HIP1: variants seen among roughly 807,000 people sequenced by gnomAD.
HIP1 encodes the protein huntingtin interacting protein 1.
Under a neutral mutation model 147.6 loss-of-function variants are expected in HIP1, and 65 were observed. The ratio of observed to expected loss-of-function variants is 0.44; its 90% confidence interval spans 0.36 to 0.54. The LOEUF (loss-of-function observed/expected upper bound fraction) is 0.54, where lower values mean the gene tolerates loss of function less well. Among genes scored for constraint, HIP1 ranks in the 20% least tolerant of loss-of-function variants. HIP1 has a pLI of 0.00. For synonymous variants in HIP1, 479 were observed against 504.0 expected, an observed-to-expected ratio of 0.95 and a Z score of 0.67; for missense variants, 1,061 against 1,299.6, an observed-to-expected ratio of 0.82 and a Z score of 2.82.
At chr7:75,656,954 G>T (rs1339992530) in intron 1 of HIP1, among the ~76,000 whole-genome samples, 1 of 152,180 alleles carries the variant, frequency 6.6e-6, no homozygotes, top group Non-Finnish European at 1.5e-5. Context: ...AGTTCACAAT[G>T]AGCCACGTTC....
intron 14 of HIP1, among the ~76,000 whole-genome samples, chr7:75,559,476 T>A (rs782792013): frequency 1.8e-4 from 28 of 152,198 alleles, no homozygotes; most frequent in Non-Finnish European, 3.8e-4. Flanking sequence ...TAGTATCCAC[T>A]GCCCAGGGCA....
intron 1 of HIP1, among the ~76,000 whole-genome samples, chr7:75,732,473 C>T (rs2117409648): frequency 6.6e-6 from 1 of 152,220 alleles, no homozygotes; most frequent in South Asian, 2.1e-4. Context: ...TGGGCTTAAA[C>T]AATCGTCCTG....
rs149584757 is a variant in HIP1, at chr7:75,540,191, G to T, written c.2953-760C>A. ...GCCCGTAATCCCAGCACTTTGGGAG[G>T]CCAACGTGGGTGGATCACCTGGGGT... On this transcript the variant is annotated intron_variant, in intron 29 of 30. Coordinates refer to ENST00000336926, the MANE Select transcript of HIP1 (RefSeq NM_005338.7). 2.3e-3 allele frequency among the ~76,000 whole-genome samples: 354 copies of T among 152,232 alleles called. 2 individuals are homozygous for T. The highest frequency in any genetic ancestry group is 8.4e-3 in the African/African-American group (347 of 41,542).
intron 1 of HIP1, among the ~76,000 whole-genome samples, chr7:75,646,236 C>A (rs1176462218): frequency 6.6e-6 from 1 of 152,138 alleles, no homozygotes; most frequent in Non-Finnish European, 1.5e-5. Context: ...CCCGCCACCA[C>A]GCCCGGCTAA....
intron 1 of HIP1, among the ~76,000 whole-genome samples, chr7:75,695,152 A>T (rs1316009134): frequency 6.6e-6 from 1 of 152,224 alleles, no homozygotes; most frequent in African/African-American, 2.4e-5. Flanking sequence ...GGCTCTAAAA[A>T]GTTAATTGGA....
intron 1 of HIP1, among the ~76,000 whole-genome samples, chr7:75,734,980 T>G (rs1200897010): frequency 3.3e-5 from 5 of 152,150 alleles, no homozygotes; most frequent in Non-Finnish European, 7.4e-5. Context: ...AATCACAGCC[T>G]GCTTGATTGC....
At chr7:75,552,134 A>G (rs1384412455) in intron 22 of HIP1, among the ~76,000 whole-genome samples, 1 of 152,084 alleles carries the variant, frequency 6.6e-6, no homozygotes, top group Admixed American at 6.5e-5. Context: ...CAGGTGATCC[A>G]CCTGCCTCGG....
intron 1 of HIP1, among the ~76,000 whole-genome samples, chr7:75,659,376 G>A (rs1225916178): frequency 6.6e-6 from 1 of 152,166 alleles, no homozygotes; most frequent in African/African-American, 2.4e-5. Context: ...AACATAAGCA[G>A]GGCCGGCCAT....
rs1446316490 is a variant in HIP1 at position 75,559,621 on chromosome 7, A to G, written c.1375+111T>C. 5 of 884,168 alleles carry G rather than the reference A, an allele frequency of 5.7e-6. No individual in the cohort carries two copies. The Admixed American group carries it at 1.5e-4, about 26-fold the overall frequency. 54.8% of individuals were successfully genotyped at this position (884,168 alleles called of 1,614,324 possible). On this transcript the variant is annotated intron_variant, in intron 14 of 30. Transcript: ENST00000336926. ...CTGGCATTCCTAGCTGTTTCTAGAA[A>G]GACAGTCTGGGTCTCCCCCACCCAG...
At position 75,738,880 on chromosome 7, in the gene HIP1, G is replaced by T. The variant is rs1215083050; in HGVS notation, c.41C>A (p.Pro14Gln). Residue 14 changes from proline (P) to glutamine (Q), a missense_variant, in exon 1 of 31, where the codon CCA becomes CAA. By Grantham distance (76) the Pro-to-Gln change is moderately conservative (BLOSUM62 -1). This residue lies in a region of HIP1 where 225 missense variants were observed against 292.9 expected (regional missense o/e 0.77). Coordinates refer to ENST00000336926, the MANE Select transcript of HIP1 (RefSeq NM_005338.7). ...GCGCCGGCTCAGCACCTTGGGCAGT[G>T]GGTTGGGCACCTGCTTCATGGAGCT... ...MASSMKQVPN[P>Q]LPKVLSRRGV... is the part of the protein sequence containing the mutation. The T allele has an allele frequency of 1.3e-6, 2 of 1,571,038 alleles. No individual in the cohort carries two copies. The highest frequency in any genetic ancestry group is 1.7e-6 in the Non-Finnish European group (2 of 1,160,228).
intron 1 of HIP1, among the ~76,000 whole-genome samples, chr7:75,688,253 G>A (rs1554517786): frequency 2.0e-5 from 3 of 152,188 alleles, no homozygotes; most frequent in African/African-American, 7.2e-5. Flanking sequence ...AGCCACCAGG[G>A]GTTCCTCCCC....
chr7:75,573,744 T>G lies in HIP1; in HGVS notation c.745+17A>C. On this transcript the variant is annotated intron_variant, in intron 8 of 30. Transcript: ENST00000336926. Reference sequence around the variant, plus strand: ...GGCCTGAATCTCATGTAAGAAGATCTGGCCCGCGGTACTCACAGGAGTGGA... The same window carrying G: ...GGCCTGAATCTCATGTAAGAAGATCGGGCCCGCGGTACTCACAGGAGTGGA... 1.2e-6 allele frequency: 2 copies of G among 1,609,878 alleles called. No individual in the cohort carries two copies. Among genetic ancestry groups the G allele is most frequent in the Non-Finnish European group, 1.7e-6 (2 of 1,176,772 alleles).
intron 1 of HIP1, among the ~76,000 whole-genome samples, chr7:75,732,605 T>C (rs1554523171): frequency 6.6e-6 from 1 of 152,130 alleles, no homozygotes; most frequent in Non-Finnish European, 1.5e-5. Flanking sequence ...GGTCTCGAAC[T>C]CCTGGGCTCA....
intron 22 of HIP1, among the ~76,000 whole-genome samples, chr7:75,550,069 T>C (rs587694117): frequency 1.3e-5 from 2 of 152,284 alleles, no homozygotes; most frequent in East Asian, 1.9e-4. Flanking sequence ...ACTGTGCAGA[T>C]AGGAAGCCAG....
intron 27 of HIP1, 96 bp downstream of exon 27, chr7:75,544,599 C>G (rs1169835896): frequency 2.6e-6 from 2 of 766,126 alleles, no homozygotes; most frequent in African/African-American, 1.7e-5. Context: ...TCTAACTCAG[C>G]CAAGTACTGC....
Position 75,568,357 on chromosome 7 carries a change from T to C in HIP1, c.746-101A>G. On this transcript the variant is annotated intron_variant, in intron 8 of 30. Coordinates refer to ENST00000336926, the MANE Select transcript of HIP1 (RefSeq NM_005338.7). This position sits in a 1 kb window ranked among gnomAD's most constrained non-coding sequence, Gnocchi z 4.1. ...GGAGGGGCCCAGCTACCCTGGGGCA[T>C]GTGGCCAGCACTGCCAGGGGCCACG... 1 of 820,260 alleles carries C rather than the reference T, an allele frequency of 1.2e-6. No individual in the cohort carries two copies. The highest frequency in any genetic ancestry group is 2.2e-6 in the Non-Finnish European group (1 of 463,622). 50.8% of individuals were successfully genotyped at this position (820,260 alleles called of 1,614,324 possible).
chr7:75,618,544 C>T (rs1488358589), intron 1 of HIP1, among the ~76,000 whole-genome samples: 3 of 152,136 alleles, frequency 2.0e-5, no homozygotes, highest in Non-Finnish European at 4.4e-5. Context: ...TCCTCAGTCT[C>T]CCAAAGTGCC....
At chr7:75,624,081 A>C (rs1797947487) in intron 1 of HIP1, among the ~76,000 whole-genome samples, 1 of 152,174 alleles carries the variant, frequency 6.6e-6, no homozygotes, top group South Asian at 2.1e-4. Flanking sequence ...ACCTTGTAAA[A>C]GAAACACACG....
intron 1 of HIP1, among the ~76,000 whole-genome samples, chr7:75,656,774 G>T (rs1799156140): frequency 6.6e-6 from 1 of 152,232 alleles, no homozygotes; most frequent in African/African-American, 2.4e-5. Context: ...ACTGCGCCTG[G>T]CTGAGAAGAC....
Sources: gnomAD v4.1 joint callset for allele counts (sites outside exome capture counted in the v4.1 genomes callset) on GRCh38, gnomAD v4.1.1 for gene constraint, gnomAD v4.1.1 regional missense constraint, Gnocchi (gnomAD v3.1) non-coding constraint, MANE v1.5 for transcripts, NCBI Gene and HGNC (gene_info 2026-07-23, HGNC 2026-07-21) for gene names.